COL6A3: variants seen among roughly 807,000 people sequenced by gnomAD.
COL6A3 encodes the protein collagen type VI alpha 3 chain.
A neutral mutation model predicts 274.1 loss-of-function variants in COL6A3; 137 were observed. The observed-to-expected ratio is 0.50, with a 90% CI of 0.44 to 0.58. COL6A3 has a LOEUF of 0.58. COL6A3 is among the 20% of genes least tolerant of loss of function. The pLI is 0.00. For missense variants in COL6A3, 3,950 were observed against 4,124.9 expected (o/e 0.96, Z 1.16); for synonymous variants, 1,650 against 1,650.6 (o/e 1.00, Z 0.01).
Position 237,374,161 on chromosome 2 carries a change from T to C in COL6A3, c.3679+251A>G, listed in dbSNP as rs1246453507. Among the ~76,000 whole-genome samples, 1 of 152,252 alleles carries C rather than the reference T, an allele frequency of 6.6e-6. No individual in the cohort carries two copies. On this transcript the variant is annotated intron_variant, in intron 8 of 43. Coordinates refer to ENST00000295550, the MANE Select transcript of COL6A3 (RefSeq NM_004369.4). This position sits in a 1 kb window ranked among gnomAD's most constrained non-coding sequence, Gnocchi z 4.8. ...AGTTAAGGAGTCCTGAATTCCAAGC[T>C]GCACATATGTCCCTTTTGGAGAATT...
intron 3 of COL6A3, among the ~76,000 whole-genome samples, chr2:237,392,971 GCTGT>G (rs1264612994): frequency 2.0e-5 from 3 of 152,146 alleles, no homozygotes; most frequent in Non-Finnish European, 2.9e-5. Flanking sequence ...TGCACACTCA[GCTGT>G]CTCCAGGACT....
In COL6A3 at chr2:237,371,351, C is replaced by T. The variant is rs1334409524; in HGVS notation, c.4285+381G>A. Among the ~76,000 whole-genome samples, 5 of 152,272 alleles carry T rather than the reference C, an allele frequency of 3.3e-5. No individual in the cohort carries two copies. The East Asian group carries it at 9.7e-4, about 29-fold the overall frequency. On this transcript the variant is annotated intron_variant, in intron 9 of 43. Coordinates refer to ENST00000295550, the MANE Select transcript of COL6A3 (RefSeq NM_004369.4). The surrounding 1 kb of genome is among the most constrained non-coding windows in gnomAD (Gnocchi z 4.3). ...GTGTCTCAGGCCTGTAATCCCAGCA[C>T]TTTGGGAGGCCGCAGCAGGTGGATC...
chr2:237,333,567 TG>T lies in COL6A3; in HGVS notation c.9230-20del, dbSNP rs1386486408. 6 of 1,601,926 alleles carry T rather than the reference TG, an allele frequency of 3.7e-6. No homozygotes were observed. On this transcript the variant is annotated intron_variant, in intron 41 of 43. Transcript: ENST00000295550. ...GATTTCTCTATAAAAGAAAAATATA[TG>T]CAACTCGTAGGTAAATCAGAAACAG...
chr2:237,396,690 T>C, intron 2 of COL6A3, 37 bp downstream of exon 2: 1 of 1,593,064 alleles, frequency 6.3e-7, no homozygotes, highest in East Asian at 2.2e-5. Context: ...AGAATGATAT[T>C]CCTTTTTACA....
intron 1 of COL6A3, among the ~76,000 whole-genome samples, chr2:237,398,259 A>G (rs1265032454): frequency 1.3e-5 from 2 of 152,228 alleles, no homozygotes; most frequent in African/African-American, 4.8e-5. Context: ...CCAGACCTGG[A>G]GGCTAACTGC....
In COL6A3 at chr2:237,372,089, T is replaced by C; in HGVS notation, c.3928A>G (p.Ile1310Val). The C allele has an allele frequency of 1.2e-6, 2 of 1,614,076 alleles. No individual in the cohort carries two copies. Among genetic ancestry groups the C allele is most frequent in the Middle Eastern group, 1.6e-4 (1 of 6,062 alleles). Residue 1310 changes from isoleucine (I) to valine (V), a missense_variant, in exon 9 of 44, where the codon ATC becomes GTC. Ile to Val is a conservative substitution (Grantham distance 29). Around this residue, in one of 5 missense-constraint regions of COL6A3, gnomAD observed 1,934 missense variants for 1,984.3 expected, o/e 0.97. Coordinates refer to ENST00000295550, the MANE Select transcript of COL6A3 (RefSeq NM_004369.4). Reference sequence around the variant, plus strand: ...TACTCCAGGGCATTGCCCACGTTGATCTGCCGCCCTCCCTTGGGCCTCAGC... The same window carrying C: ...TACTCCAGGGCATTGCCCACGTTGACCTGCCGCCCTCCCTTGGGCCTCAGC... ...QRLRPKGGRQ[I>V]NVGNALEYVS...
chr2:237,348,590 G>T, intron 29 of COL6A3, 23 bp downstream of exon 29: 1 of 1,612,142 alleles, frequency 6.2e-7, no homozygotes, highest in Non-Finnish European at 8.5e-7. Context: ...AGGACGCTTG[G>T]ATAATCCTCA....
chr2:237,360,701 T>G (rs748323626), intron 16 of COL6A3, among the ~76,000 whole-genome samples: 1 of 152,134 alleles, frequency 6.6e-6, no homozygotes, highest in Non-Finnish European at 1.5e-5. Context: ...CCTCGGATAC[T>G]GATGATCTGA....
At chr2:237,393,011 C>T (rs2106385404) in intron 3 of COL6A3, among the ~76,000 whole-genome samples, 1 of 152,294 alleles carries the variant, frequency 6.6e-6, no homozygotes. Context: ...GGCCTCTCAT[C>T]CTCTGGCTCT....
intron 8 of COL6A3, 83 bp from the exon 9 acceptor site, chr2:237,372,420 G>T: frequency 4.4e-6 from 7 of 1,598,818 alleles, no homozygotes; most frequent in Non-Finnish European, 5.1e-6. Flanking sequence ...GTTTGTCATG[G>T]ATTCACAGGC....
rs1203522788 is a variant in COL6A3, at chr2:237,368,898, A to T, written c.4565T>A (p.Phe1522Tyr). 1 of 1,614,122 alleles carries T rather than the reference A, an allele frequency of 6.2e-7. No homozygotes were observed. Among genetic ancestry groups the T allele is most frequent in the South Asian group, 1.1e-5 (1 of 91,072 alleles). Residue 1522 changes from phenylalanine to tyrosine, a missense_variant, in exon 10 of 44, where the codon TTT (phenylalanine) becomes TAT (tyrosine). Physicochemically the swap from Phe to Tyr is conservative, Grantham distance 22 (BLOSUM62 3). Transcript: ENST00000295550. The surrounding 1 kb of genome is among the most constrained non-coding windows in gnomAD (Gnocchi z 4.4). ...SPLNTGKALE[F>Y]VARNLFVKSA... ...CTTAACAAAGAGGTTTCTTGCCACA[A>T]ATTCGAGAGCCTTGCCAGTGTTCAG...
At chr2:237,346,689 T>A in intron 31 of COL6A3, 124 bp from the exon 32 acceptor site, 1 of 853,414 alleles carries the variant, frequency 1.2e-6, no homozygotes, top group Non-Finnish European at 1.9e-6. Context: ...GAAAAATCTC[T>A]CACTTTAAGG....
chr2:237,381,055 C>A lies in COL6A3; in HGVS notation c.1757G>T (p.Gly586Val). 1 of 1,614,196 alleles carries A rather than the reference C, an allele frequency of 6.2e-7. No homozygotes were observed. Among genetic ancestry groups the A allele is most frequent in the Non-Finnish European group, 8.5e-7 (1 of 1,180,032 alleles). The change falls in exon 5 of 44, where the codon GGT becomes GTT. Residue 586 changes from glycine (G) to valine (V), a missense_variant. Around this residue, in one of 5 missense-constraint regions of COL6A3, gnomAD observed 1,934 missense variants for 1,984.3 expected, o/e 0.97. Coordinates refer to ENST00000295550, the MANE Select transcript of COL6A3 (RefSeq NM_004369.4). Reference sequence around the variant, plus strand: ...CTCTTCCAGCTCAGCCTGATCGGCACCCTTGTTCCCAATGGCAAAGGCCAT... The same window carrying A: ...CTCTTCCAGCTCAGCCTGATCGGCAACCTTGTTCCCAATGGCAAAGGCCAT... ...SIMAFAIGNK[G>V]ADQAELEEIA...
Position 237,344,217 on chromosome 2 carries a change from A to T in COL6A3, c.7668+133T>A, listed in dbSNP as rs1452388745. Reference sequence around the variant, plus strand: ...TGGAGACCTCACAAGAGAAGTTCTCAGGCAGATGGCCTCATTGGGGACGTT... The same window carrying T: ...TGGAGACCTCACAAGAGAAGTTCTCTGGCAGATGGCCTCATTGGGGACGTT... On this transcript the variant is annotated intron_variant, in intron 36 of 43. Coordinates refer to ENST00000295550, the MANE Select transcript of COL6A3 (RefSeq NM_004369.4). The surrounding 1 kb of genome is among the most constrained non-coding windows in gnomAD (Gnocchi z 4.8). The T allele has an allele frequency of 7.3e-6, 10 of 1,368,566 alleles. No individual in the cohort carries two copies. Among genetic ancestry groups the T allele is most frequent in the Non-Finnish European group, 1.0e-5 (10 of 967,140 alleles). 84.8% of individuals were successfully genotyped at this position (1,368,566 alleles called of 1,614,324 possible).
intron 3 of COL6A3, among the ~76,000 whole-genome samples, 162 bp from the exon 4 acceptor site, chr2:237,388,346 T>C (rs1479447081): frequency 1.3e-5 from 2 of 152,236 alleles, no homozygotes; most frequent in Non-Finnish European, 2.9e-5. Context: ...CTTTCAGTTC[T>C]GCATTCTGAA....
chr2:237,384,538 G>T (rs2078095613), intron 4 of COL6A3, among the ~76,000 whole-genome samples: 1 of 151,940 alleles, frequency 6.6e-6, no homozygotes, highest in South Asian at 2.1e-4. Context: ...GACATTCCTG[G>T]AGAAGACCAC....
In COL6A3 at chr2:237,365,893, G is replaced by A; in HGVS notation, c.5643C>T (p.Arg1881=). Reference sequence around the variant, plus strand: ...CCACTGACACACGCACGGTGGGCGAGCGGCCACCGCTGCAGCTGACCCTGT... The same window carrying A: ...CCACTGACACACGCACGGTGGGCGAACGGCCACCGCTGCAGCTGACCCTGT... The part of the protein sequence containing the change: ...QMHRVSCSGG[R]SPTVRVSVVA... Residue 1881 remains arginine, a synonymous_variant, in exon 12 of 44, where the codon CGC becomes CGT. Coordinates refer to ENST00000295550, the MANE Select transcript of COL6A3 (RefSeq NM_004369.4). The A allele has an allele frequency of 6.2e-7, 1 of 1,614,148 alleles. No homozygotes were observed. The highest frequency in any genetic ancestry group is 8.5e-7 in the Non-Finnish European group (1 of 1,180,024).
chr2:237,368,800 C>T lies in COL6A3; in HGVS notation c.4663G>A (p.Asp1555Asn), dbSNP rs763162762. 95 of 1,614,210 alleles carry T rather than the reference C, an allele frequency of 5.9e-5. 1 individual carries two copies. Among genetic ancestry groups the T allele is most frequent in the East Asian group, 1.6e-4 (7 of 44,882 alleles). ...VLVLGGKSQDDVSRFAQVIRS... is the reference protein window; with the variant it reads ...VLVLGGKSQDNVSRFAQVIRS... The stretch of plus-strand genomic sequence containing the variant: ...ATCACCTGGGCGAACCTGGACACAT[C>T]GTCCTGGGATTTTCCACCCAGGACC... Residue 1555 changes from aspartate (D) to asparagine (N), a missense_variant, in exon 10 of 44, where the codon GAT (aspartate) becomes AAT (asparagine). By Grantham distance (23) the Asp-to-Asn change is conservative. Transcript: ENST00000295550. The surrounding 1 kb of genome is among the most constrained non-coding windows in gnomAD (Gnocchi z 4.4).
chr2:237,370,139 G>A (rs1442831515), intron 9 of COL6A3, among the ~76,000 whole-genome samples: 2 of 151,546 alleles, frequency 1.3e-5, no homozygotes, highest in Non-Finnish European at 2.9e-5. Flanking sequence ...TAGAATTATA[G>A]GCATGAGCCG....
Sources: gnomAD v4.1 joint callset for allele counts (sites outside exome capture counted in the v4.1 genomes callset) on GRCh38, gnomAD v4.1.1 for gene constraint, gnomAD v4.1.1 regional missense constraint, Gnocchi (gnomAD v3.1) non-coding constraint, MANE v1.5 for transcripts, NCBI Gene and HGNC (gene_info 2026-07-23, HGNC 2026-07-21) for gene names.